The following KCNJ3 variants were observed in gnomAD, a reference collection of about 807,000 sequenced individuals.
KCNJ3 encodes G protein-activated inward rectifier potassium channel 1.
KCNJ3 carries 4 observed loss-of-function variants against 39.2 expected under a neutral mutation model. The ratio of observed to expected loss-of-function variants is 0.10; its 90% CI spans 0.05 to 0.23. The LOEUF is 0.23. Among genes scored for constraint, KCNJ3 ranks in the 10% least tolerant of loss-of-function variants. KCNJ3 has a pLI of 1.00. For missense variants in KCNJ3, 276 were observed against 634.9 expected, an observed-to-expected ratio of 0.43 and a Z score of 6.08; for synonymous variants, 230 against 237.4, an observed-to-expected ratio of 0.97 and a Z score of 0.29.
chr2:154,774,433 A>G (rs183405238), intron 2 of KCNJ3, among the ~76,000 whole-genome samples: 59 of 152,276 alleles, frequency 3.9e-4, no homozygotes, highest in African/African-American at 1.3e-3. Context: ...GGTAACTGTA[A>G]CATATTATAT....
intron 2 of KCNJ3, among the ~76,000 whole-genome samples, chr2:154,836,071 G>A (rs575795345): frequency 2.0e-5 from 3 of 151,896 alleles, no homozygotes; most frequent in Non-Finnish European, 2.9e-5. Context: ...TTAACCTGGC[G>A]TGGTGGCATG....
intron 2 of KCNJ3, among the ~76,000 whole-genome samples, chr2:154,827,488 C>T (rs1687289264): frequency 1.3e-5 from 2 of 152,050 alleles, no homozygotes; most frequent in Non-Finnish European, 2.9e-5. Flanking sequence ...TTCTGCTTAA[C>T]ATCCTGCCTT....
At chr2:154,801,926 C>G (rs546782635) in intron 2 of KCNJ3, among the ~76,000 whole-genome samples, 3 of 152,164 alleles carry the variant, frequency 2.0e-5, no homozygotes, top group Non-Finnish European at 1.5e-5. Context: ...TGCAACTGGT[C>G]TTCCTACTTT....
chr2:154,778,337 A>T (rs1035647460), intron 2 of KCNJ3, among the ~76,000 whole-genome samples: 1 of 152,208 alleles, frequency 6.6e-6, no homozygotes, highest in Non-Finnish European at 1.5e-5. Context: ...TGTGGTTGCC[A>T]AGATTACTGT....
chr2:154,743,040 T>C (rs1304946507), intron 2 of KCNJ3, among the ~76,000 whole-genome samples: 1 of 151,884 alleles, frequency 6.6e-6, no homozygotes, highest in Non-Finnish European at 1.5e-5. Flanking sequence ...GATTATTTTT[T>C]GTGTATGGTG....
intron 2 of KCNJ3, among the ~76,000 whole-genome samples, chr2:154,830,528 A>AATG (rs1218189656): frequency 6.6e-6 from 1 of 152,178 alleles, no homozygotes; most frequent in East Asian, 1.9e-4. Flanking sequence ...TTTCAAACTT[A>AATG]ATGTATTTAA....
chr2:154,850,988 A>C lies in KCNJ3; in HGVS notation c.920-3739A>C, dbSNP rs532565548. Among the ~76,000 whole-genome samples the C allele has an allele frequency of 1.7e-4, 26 of 152,270 alleles. 1 individual carries two copies. Among genetic ancestry groups the C allele is most frequent in the Admixed American group, 1.7e-3 (26 of 15,284 alleles). ...TTACTGGCTGGGCATAATGACTTAT[A>C]CTTGTAATTCCAGCACTTTGGGAGG... is the stretch of plus-strand genomic sequence containing the variant. On this transcript the variant is annotated intron_variant, in intron 2 of 2. Coordinates refer to ENST00000295101, the MANE Select transcript of KCNJ3 (RefSeq NM_002239.4).
At chr2:154,753,160 A>G (rs1685878032) in intron 2 of KCNJ3, among the ~76,000 whole-genome samples, 1 of 152,046 alleles carries the variant, frequency 6.6e-6, no homozygotes. Context: ...AAAATATTTC[A>G]TTGTAACGGA....
At chr2:154,707,431 G>A (rs1230086504) in intron 1 of KCNJ3, among the ~76,000 whole-genome samples, 1 of 152,062 alleles carries the variant, frequency 6.6e-6, no homozygotes, top group Non-Finnish European at 1.5e-5. Context: ...TCATCCTCCT[G>A]ATAGCCTGCC....
intron 1 of KCNJ3, among the ~76,000 whole-genome samples, chr2:154,704,137 T>C (rs1429962168): frequency 6.6e-6 from 1 of 152,048 alleles, no homozygotes; most frequent in Admixed American, 6.6e-5. Context: ...TTTAAAATAG[T>C]GGTAATATAT....
intron 2 of KCNJ3, among the ~76,000 whole-genome samples, chr2:154,787,814 T>G (rs1421480037): frequency 6.6e-6 from 1 of 152,172 alleles, no homozygotes; most frequent in Admixed American, 6.6e-5. Context: ...ATTTGAAAAC[T>G]TGTACATCAT....
At chr2:154,706,972 A>T (rs1389330276) in intron 1 of KCNJ3, among the ~76,000 whole-genome samples, 4 of 152,120 alleles carry the variant, frequency 2.6e-5, no homozygotes, top group Non-Finnish European at 5.9e-5. Context: ...AAGGAAAAAA[A>T]ATCAGGGAGG....
At chr2:154,840,923 A>ATTTC (rs747046147) in intron 2 of KCNJ3, among the ~76,000 whole-genome samples, 1 of 152,014 alleles carries the variant, frequency 6.6e-6, no homozygotes, top group Non-Finnish European at 1.5e-5. Flanking sequence ...AATACCCTTT[A>ATTTC]TTTCTTTGTC....
chr2:154,750,870 T>G (rs1685830589), intron 2 of KCNJ3, among the ~76,000 whole-genome samples: 1 of 152,016 alleles, frequency 6.6e-6, no homozygotes. Context: ...ATGTTTCACT[T>G]TTTTCCTTGG....
rs544327482 is a variant in KCNJ3, at chr2:154,776,546, G to C, written c.919+66727G>C. 4.6e-5 allele frequency among the ~76,000 whole-genome samples: 7 copies of C among 152,178 alleles called. No homozygotes were observed. The East Asian group carries it at 1.4e-3, about 29-fold the overall frequency. ...GGTAATTTTCAAATCTCATTATTTA[G>C]TAAAACAGGTTCTTACCATTCCTGA... On this transcript the variant is annotated intron_variant, in intron 2 of 2. Coordinates refer to ENST00000295101, the MANE Select transcript of KCNJ3 (RefSeq NM_002239.4).
chr2:154,717,047 T>G (rs977687439), intron 2 of KCNJ3, among the ~76,000 whole-genome samples: 2 of 152,102 alleles, frequency 1.3e-5, no homozygotes, highest in South Asian at 4.1e-4. Context: ...CCTAGAGGAG[T>G]GGTCCCTAAT....
intron 2 of KCNJ3, among the ~76,000 whole-genome samples, chr2:154,786,860 T>C (rs1686538683): frequency 6.6e-6 from 1 of 152,160 alleles, no homozygotes; most frequent in African/African-American, 2.4e-5. Flanking sequence ...CAAAAATGAA[T>C]TAGACGTGGA....
chr2:154,715,410 T>G (rs1047086591), intron 2 of KCNJ3, among the ~76,000 whole-genome samples: 18 of 152,216 alleles, frequency 1.2e-4, no homozygotes, highest in Non-Finnish European at 2.4e-4. Context: ...CTCCCATATT[T>G]GTGATCATGT....
intron 2 of KCNJ3, among the ~76,000 whole-genome samples, chr2:154,734,102 T>A (rs967307664): frequency 7.9e-5 from 12 of 152,218 alleles, no homozygotes; most frequent in African/African-American, 2.4e-4. Flanking sequence ...AAGTTTAAAT[T>A]TCCTTAATTT....
Sources: gnomAD v4.1 joint callset for allele counts (sites outside exome capture counted in the v4.1 genomes callset) on GRCh38, gnomAD v4.1.1 for gene constraint, MANE v1.5 for transcripts, NCBI Gene and HGNC (gene_info 2026-07-23, HGNC 2026-07-21) for gene names.